The following SORBS2 variants were observed in gnomAD, a reference collection of about 807,000 sequenced individuals.
The protein encoded by SORBS2 is sorbin and SH3 domain containing 2, also known as sorbin and SH3 domain-containing protein 2.
In SORBS2, 46 loss-of-function variants were observed where a neutral mutation model predicts 97.7. The observed-to-expected ratio is 0.47, with a 90% CI of 0.37 to 0.60. The LOEUF (loss-of-function observed/expected upper bound fraction) is 0.60. Among genes scored for constraint, SORBS2 ranks in the 20% least tolerant of loss-of-function variants. The pLI, the probability that SORBS2 is intolerant of heterozygous loss-of-function variation, is 0.00. For missense variants in SORBS2, 1,316 were observed against 1,282.3 expected (o/e 1.03, Z -0.40); for synonymous variants, 476 against 473.4 (o/e 1.01, Z -0.07).
intron 1 of SORBS2, among the ~76,000 whole-genome samples, chr4:185,886,899 T>G (rs1297119004): frequency 6.6e-6 from 1 of 152,228 alleles, no homozygotes; most frequent in East Asian, 1.9e-4. Flanking sequence ...GGGTATAACT[T>G]AGACCAAATG....
chr4:185,756,497 C>T (rs1438365560), intron 2 of SORBS2, among the ~76,000 whole-genome samples: 1 of 152,042 alleles, frequency 6.6e-6, no homozygotes, highest in Non-Finnish European at 1.5e-5. Flanking sequence ...ATATTTAAGC[C>T]ACCTAAAAAC....
intron 1 of SORBS2, among the ~76,000 whole-genome samples, chr4:185,777,814 T>A (rs188174180): frequency 6.6e-6 from 1 of 152,266 alleles, no homozygotes; most frequent in Admixed American, 6.5e-5. Flanking sequence ...GATGAGAAAT[T>A]ACTCAGTGGG....
At chr4:185,706,835 C>A (rs1211743587) in intron 2 of SORBS2, among the ~76,000 whole-genome samples, 2 of 152,060 alleles carry the variant, frequency 1.3e-5, no homozygotes, top group African/African-American at 4.8e-5. Flanking sequence ...TTGGTTATCC[C>A]TGTAGTGTGT....
At chr4:185,676,163 T>G (rs995704192) in intron 4 of SORBS2, among the ~76,000 whole-genome samples, 2 of 152,228 alleles carry the variant, frequency 1.3e-5, no homozygotes, top group Non-Finnish European at 2.9e-5. Context: ...CTATGGTAAT[T>G]CCCTAGTCTT....
At chr4:185,647,380 T>C (rs2097226645) in intron 3 of SORBS2, among the ~76,000 whole-genome samples, 1 of 152,012 alleles carries the variant, frequency 6.6e-6, no homozygotes, top group African/African-American at 2.4e-5. Context: ...AAATTAAGCT[T>C]TTCTAGGCTA....
chr4:185,737,364 C>T lies in SORBS2; in HGVS notation c.-198+37863G>A, dbSNP rs141715727. Among the ~76,000 whole-genome samples, 27 of 152,232 alleles carry T rather than the reference C, an allele frequency of 1.8e-4. No homozygotes were observed. The East Asian group carries it at 4.1e-3, about 23-fold the overall frequency. On this transcript the variant is annotated intron_variant, in intron 2 of 20. Transcript: ENST00000284776. ...GGTCTCCCGTCTCCTCCATCAGGGT[C>T]AGGAATGTGTCTGCTCCTTTACTGG...
intron 1 of SORBS2, among the ~76,000 whole-genome samples, chr4:185,823,890 C>T (rs1326170943): frequency 2.6e-5 from 4 of 152,134 alleles, no homozygotes; most frequent in African/African-American, 9.7e-5. Flanking sequence ...CAGAGAAGCC[C>T]GCTGATTGGA....
intron 2 of SORBS2, among the ~76,000 whole-genome samples, chr4:185,681,807 T>C: frequency 6.6e-6 from 1 of 152,220 alleles, no homozygotes; most frequent in Middle Eastern, 3.2e-3. Context: ...CCCTTTCCAC[T>C]GTTATCATTC....
intron 2 of SORBS2, among the ~76,000 whole-genome samples, chr4:185,696,604 C>G (rs1561970659): frequency 1.3e-5 from 2 of 152,104 alleles, no homozygotes; most frequent in Non-Finnish European, 2.9e-5. Context: ...CAGGCATGCA[C>G]CACCATGCCG....
At chr4:185,706,546 T>G (rs554566835) in intron 2 of SORBS2, among the ~76,000 whole-genome samples, 7 of 152,022 alleles carry the variant, frequency 4.6e-5, no homozygotes, top group Non-Finnish European at 2.9e-5. Flanking sequence ...TCCTTCCTTC[T>G]GTCACTAAAC....
chr4:185,649,185 T>C (rs1213975163), intron 3 of SORBS2, among the ~76,000 whole-genome samples: 1 of 152,218 alleles, frequency 6.6e-6, no homozygotes, highest in East Asian at 1.9e-4. Context: ...ATGTCCATTA[T>C]TTCTATTTAC....
At position 185,697,984 on chromosome 4, in the gene SORBS2, C is replaced by T. The variant is rs1430853401; in HGVS notation, c.-197-19162G>A. On this transcript the variant is annotated intron_variant, in intron 2 of 20. Transcript: ENST00000284776. The stretch of plus-strand genomic sequence containing the variant: ...TGTAATCTAGTCTAGTTTTGCATGT[C>T]TCATACTTAGACTTTAAGTAGAAGC... Among the ~76,000 whole-genome samples the T allele has an allele frequency of 7.2e-5, 11 of 152,100 alleles. 1 individual carries two copies. In the East Asian group the frequency reaches 2.1e-3, roughly 29 times the overall value.
At chr4:185,672,010 G>A (rs2097719856) in intron 4 of SORBS2, among the ~76,000 whole-genome samples, 1 of 152,174 alleles carries the variant, frequency 6.6e-6, no homozygotes, top group Non-Finnish European at 1.5e-5. Context: ...ACATCAAATG[G>A]AGAAATTGCC....
At chr4:185,792,097 G>T (rs1441177072) in intron 1 of SORBS2, among the ~76,000 whole-genome samples, 1 of 152,304 alleles carries the variant, frequency 6.6e-6, no homozygotes, top group African/African-American at 2.4e-5. Context: ...TAGTCTTGTG[G>T]CATCCTAGTT....
At chr4:185,856,670 T>C (rs2099220695) in intron 1 of SORBS2, among the ~76,000 whole-genome samples, 1 of 152,208 alleles carries the variant, frequency 6.6e-6, no homozygotes, top group African/African-American at 2.4e-5. Context: ...CATATGTTGA[T>C]GGCATTTGGA....
chr4:185,774,288 A>G (rs888617441), intron 2 of SORBS2: 6 of 152,210 alleles, frequency 3.9e-5, no homozygotes, highest in African/African-American at 1.4e-4. Flanking sequence ...GTTGGGGAGA[A>G]CTTTACCAGA....
intron 1 of SORBS2, among the ~76,000 whole-genome samples, chr4:185,899,514 C>A (rs2099246558): frequency 6.6e-6 from 1 of 152,082 alleles, no homozygotes. Context: ...TCCCTGCAGC[C>A]TCCTGGGTTT....
At chr4:185,829,169 G>A (rs532530555) in intron 1 of SORBS2, among the ~76,000 whole-genome samples, 1 of 152,288 alleles carries the variant, frequency 6.6e-6, no homozygotes, top group African/African-American at 2.4e-5. Context: ...ATGTAAAACA[G>A]GATGGGGCAA....
At chr4:185,812,603 A>T (rs1229802480) in intron 1 of SORBS2, among the ~76,000 whole-genome samples, 1 of 152,212 alleles carries the variant, frequency 6.6e-6, no homozygotes, top group African/African-American at 2.4e-5. Context: ...CCAGTCATAG[A>T]ATGAGTGCAG....
Sources: gnomAD v4.1 joint callset for allele counts (sites outside exome capture counted in the v4.1 genomes callset) on GRCh38, gnomAD v4.1.1 for gene constraint, MANE v1.5 for transcripts, NCBI Gene and HGNC (gene_info 2026-07-23, HGNC 2026-07-21) for gene names.